Variants in THOC2 observed in about 807,000 individuals in gnomAD.
THOC2 encodes the protein THO complex subunit 2, also known as THO complex 2.
In THOC2, 10 loss-of-function variants were observed where a neutral mutation model predicts 128.4. That is an observed-to-expected ratio of 0.08 (90% CI 0.05 to 0.13). The LOEUF is 0.13. Ranked by LOEUF, THOC2 falls within the 10% of genes least tolerant of loss-of-function variation. The pLI, the probability that THOC2 is intolerant of heterozygous loss-of-function variation, is 1.00. For synonymous variants in THOC2, 393 were observed against 396.9 expected, an observed-to-expected ratio of 0.99 and a Z score of 0.12; for missense variants, 535 against 1,155.7, an observed-to-expected ratio of 0.46 and a Z score of 7.79.
chrX:123,629,206 A>AACACACACACACACACACACAC, intron 22 of THOC2, among the ~76,000 whole-genome samples: 1 of 81,959 alleles, frequency 1.2e-5, no homozygotes, highest in East Asian at 4.2e-4. Flanking sequence ...ATTATACATG[A>AACACACACACACACACACACAC]ACACACACAC....
At chrX:123,697,781 T>C (rs1278996816) in intron 4 of THOC2, 30 bp from the exon 5 acceptor site, 4 of 717,498 alleles carry the variant, frequency 5.6e-6, no homozygotes, top group African/African-American at 2.2e-5. Flanking sequence ...AAAAGTTTGA[T>C]TGATTTGTCT....
At chrX:123,709,585 T>C (rs953503326) in intron 2 of THOC2, among the ~76,000 whole-genome samples, 2 of 111,456 alleles carry the variant, frequency 1.8e-5, no homozygotes, top group Non-Finnish European at 3.8e-5. Flanking sequence ...AGCGGGAGAC[T>C]CTGTCTCAAA....
intron 12 of THOC2, among the ~76,000 whole-genome samples, chrX:123,664,679 G>A (rs928471207): frequency 6.3e-5 from 7 of 111,560 alleles, no homozygotes; most frequent in Admixed American, 1.9e-4. Flanking sequence ...TTAGAATGGC[G>A]ATCATTAAAA....
In THOC2 at chrX:123,647,745, G is replaced by C. The variant is rs141196461; in HGVS notation, c.1387-2370C>G. 4.7e-3 allele frequency among the ~76,000 whole-genome samples: 471 copies of C among 100,878 alleles called. 3 individuals carry two copies. Among genetic ancestry groups the C allele is most frequent in the African/African-American group, 0.016 (452 of 27,404 alleles). The allele number at this position is 100,878 out of a possible 115,157, so 87.6% of individuals were successfully genotyped here. A position where few individuals can be genotyped will look rare whatever the true frequency, so the allele number is the denominator to read the frequency against. On this transcript the variant is annotated intron_variant, in intron 12 of 38. Coordinates refer to ENST00000245838, the MANE Select transcript of THOC2 (RefSeq NM_001081550.2). ...AGCTACTCGGGAGGCTGAGGCAGGA[G>C]AATCGCTTGAACCTGGGAGGTGGAG...
At chrX:123,708,085 C>T (rs1297041287) in intron 2 of THOC2, among the ~76,000 whole-genome samples, 1 of 110,255 alleles carries the variant, frequency 9.1e-6, no homozygotes, top group Non-Finnish European at 1.9e-5. Context: ...TGTGATAGCA[C>T]CATTGTCTCA....
intron 1 of THOC2, among the ~76,000 whole-genome samples, chrX:123,719,240 T>C (rs1169281782): frequency 3.8e-5 from 4 of 104,496 alleles, no homozygotes; most frequent in Admixed American, 1.0e-4. Flanking sequence ...AGGACTTGAG[T>C]AGACATTTCT....
At position 123,686,652 on chromosome X, in the gene THOC2, G is replaced by T; in HGVS notation, c.664C>A (p.Pro222Thr). The T allele has an allele frequency of 4.1e-6, 5 of 1,206,074 alleles. No individual in the cohort carries two copies. Among genetic ancestry groups the T allele is most frequent in the Non-Finnish European group, 5.6e-6 (5 of 892,135 alleles). Residue 222 changes from proline (P) to threonine (T), a missense_variant, in exon 8 of 39, where the codon CCA becomes ACA. Physicochemically the swap from Pro to Thr is conservative, Grantham distance 38 (BLOSUM62 -1). Transcript: ENST00000245838. Reference protein sequence around the residue: ...DVILEVFECRPEHDDFFISLL... With the variant: ...DVILEVFECRTEHDDFFISLL... ...GATATAAAGAAGTCATCGTGTTCTGGCCTGCATTCAAACACTTCTAAAATG... is the reference window on the plus strand; with the variant it reads ...GATATAAAGAAGTCATCGTGTTCTGTCCTGCATTCAAACACTTCTAAAATG...
At chrX:123,605,574 G>A (rs2046434735) in intron 38 of THOC2, among the ~76,000 whole-genome samples, 1 of 111,071 alleles carries the variant, frequency 9.0e-6, no homozygotes, top group Admixed American at 9.5e-5. Context: ...CTTTTAATCA[G>A]TATAGGTTCC....
At position 123,656,355 on chromosome X, in the gene THOC2, A is replaced by G. The variant is rs2048582495; in HGVS notation, c.1386+9287T>C. On this transcript the variant is annotated intron_variant, in intron 12 of 38. Transcript: ENST00000245838. Reference sequence around the variant, plus strand: ...TAAAAAAAAAAAAAAAAAAAAAAAGAGAGAGAGAGAGAGAGAGGAACTTAT... The same window carrying G: ...TAAAAAAAAAAAAAAAAAAAAAAAGGGAGAGAGAGAGAGAGAGGAACTTAT... 5.4e-5 allele frequency among the ~76,000 whole-genome samples: 5 copies of G among 92,463 alleles called. No individual in the cohort carries two copies. The South Asian group carries it at 2.3e-3, about 42-fold the overall frequency. 80.3% of individuals were successfully genotyped at this position (92,463 alleles called of 115,157 possible).
intron 8 of THOC2, among the ~76,000 whole-genome samples, chrX:123,682,834 T>TG (rs1449961479): frequency 9.0e-6 from 1 of 111,708 alleles, no homozygotes; most frequent in Non-Finnish European, 1.9e-5. Flanking sequence ...ATAATAGGGT[T>TG]GAACCATGGT....
intron 12 of THOC2, among the ~76,000 whole-genome samples, chrX:123,662,107 T>TA: frequency 8.9e-6 from 1 of 112,493 alleles, no homozygotes; most frequent in South Asian, 3.7e-4. Flanking sequence ...TGCTGTTGTC[T>TA]AAAATTCAAA....
At chrX:123,660,758 A>C (rs2048791897) in intron 12 of THOC2, among the ~76,000 whole-genome samples, 1 of 112,215 alleles carries the variant, frequency 8.9e-6, no homozygotes, top group African/African-American at 3.2e-5. Flanking sequence ...ATTTGTACAT[A>C]TTTGTGGGGT....
intron 38 of THOC2, chrX:123,603,853 G>C (rs1273096464): frequency 1.8e-5 from 3 of 166,547 alleles, no homozygotes; most frequent in Non-Finnish European, 3.3e-5. Context: ...ATGCTGAGGT[G>C]TTAGGATTAC....
chrX:123,712,287 A>G (rs1378918285), intron 2 of THOC2, among the ~76,000 whole-genome samples: 3 of 112,102 alleles, frequency 2.7e-5, no homozygotes, highest in African/African-American at 9.7e-5. Context: ...AATTAACAAA[A>G]TGTTAAATAG....
chrX:123,634,038 T>C lies in THOC2; in HGVS notation c.2051A>G (p.Gln684Arg). 1 of 1,200,772 alleles carries C rather than the reference T, an allele frequency of 8.3e-7. No individual in the cohort carries two copies. Residue 684 changes from glutamine (Q) to arginine (R), a missense_variant, in exon 20 of 39, where the codon CAA becomes CGA. Gln to Arg is a conservative substitution (Grantham distance 43). This residue lies in a region of THOC2 where 90 missense variants were observed against 298.6 expected (regional missense o/e 0.30). Transcript: ENST00000245838. ...TGTAATTTCTATTCCTGCCATTTTT[T>C]GTACCACTTCTTTCAATATAAGCAG... ...FDLLILKEVV[Q>R]KMAGIEITEE...
rs551776932 is a variant in THOC2 at position 123,642,186 on chromosome X, G to A, written c.1662-1564C>T. 6.0e-4 allele frequency among the ~76,000 whole-genome samples: 67 copies of A among 111,964 alleles called. No individual in the cohort carries two copies. In the South Asian group the frequency reaches 0.024, roughly 40 times the overall value. ...CACGCCTGTAATCCCACCACTTTGG[G>A]AGGCCAAGGCGGGTGAATCACAAGG... On this transcript the variant is annotated intron_variant, in intron 15 of 38. Transcript: ENST00000245838.
intron 31 of THOC2, 44 bp downstream of exon 31, chrX:123,621,113 T>C (rs375553395): frequency 2.6e-6 from 3 of 1,175,992 alleles, no homozygotes; most frequent in Non-Finnish European, 3.4e-6. Flanking sequence ...AACTATACAT[T>C]AAAATAACAA....
chrX:123,651,648 T>C (rs1291932885), intron 12 of THOC2, among the ~76,000 whole-genome samples: 1 of 110,034 alleles, frequency 9.1e-6, no homozygotes, highest in Non-Finnish European at 1.9e-5. Context: ...CAAACTACCA[T>C]CAGAGAATAC....
intron 1 of THOC2, among the ~76,000 whole-genome samples, chrX:123,720,403 G>T (rs1368234692): frequency 9.0e-6 from 1 of 111,058 alleles, no homozygotes; most frequent in Admixed American, 9.6e-5. Context: ...AGCTATGATT[G>T]CACCACTGCA....
Sources: allele counts gnomAD v4.1 joint callset (sites outside exome capture counted in the v4.1 genomes callset), GRCh38; gene constraint gnomAD v4.1.1; regional missense constraint gnomAD v4.1.1; transcripts MANE v1.5; gene names NCBI Gene and HGNC (gene_info 2026-07-23, HGNC 2026-07-21).